The following SCGB2B2 variants were observed in gnomAD, a reference collection of about 807,000 sequenced individuals.
The protein encoded by SCGB2B2 is secretoglobin family 2B member 2.
SCGB2B2 carries 11 observed loss-of-function variants against 7.6 expected under a neutral mutation model. The ratio of observed to expected loss-of-function variants is 1.45; its 90% CI spans 0.91 to 2.40. The LOEUF is 2.40. SCGB2B2 is among the 30% of genes most tolerant of loss of function. SCGB2B2 has a pLI of 0.00. For missense variants in SCGB2B2, 104 were observed against 115.4 expected (o/e 0.90, Z 0.45); for synonymous variants, 50 against 48.6 (o/e 1.03, Z -0.12).
intron 1 of SCGB2B2, among the ~76,000 whole-genome samples, chr19:34,658,834 A>AAAAAAAAAAAAAAAAAG (rs1555749405): frequency 8.4e-6 from 1 of 118,756 alleles, no homozygotes; most frequent in Non-Finnish European, 1.9e-5. Context: ...AAAAAAAAAA[A>AAAAAAAAAAAAAAAAAG]AGAGAGAGAA....
intron 1 of SCGB2B2, among the ~76,000 whole-genome samples, chr19:34,669,654 T>A (rs180862454): frequency 1.4e-5 from 2 of 139,902 alleles, no homozygotes; most frequent in Admixed American, 1.4e-4. Flanking sequence ...TGATACACTG[T>A]CACCCCAAAG....
rs2065414114 is a variant in SCGB2B2 at position 34,595,129 on chromosome 19, G to A, written c.-566C>T. On this transcript the variant is annotated 5_prime_UTR_variant, in exon 2 of 4. Transcript: ENST00000601241. ...AAAGGACATGAGATGTAGCAAGTGT[G>A]TTAGGGACACATGTGACACAGTGAA... 1 of 155,722 alleles carries A rather than the reference G, an allele frequency of 6.4e-6. No individual in the cohort carries two copies. Among genetic ancestry groups the A allele is most frequent in the African/African-American group, 2.4e-5 (1 of 41,206 alleles). 9.6% of individuals were successfully genotyped at this position (155,722 alleles called of 1,614,324 possible). A position where few individuals can be genotyped will look rare whatever the true frequency, so the allele number is the denominator to read the frequency against.
At chr19:34,629,722 T>C (rs10221455) in intron 1 of SCGB2B2, among the ~76,000 whole-genome samples, 144,837 of 152,028 alleles carry the variant, frequency 0.95, 69,462 homozygotes, top group Middle Eastern at 0.99. Context: ...CAATGCCATC[T>C]CCATCAAGCT....
At chr19:34,607,191 G>C (rs994712011) in intron 1 of SCGB2B2, among the ~76,000 whole-genome samples, 7 of 152,162 alleles carry the variant, frequency 4.6e-5, no homozygotes, top group African/African-American at 1.7e-4. Flanking sequence ...TGTCCTACAG[G>C]TTCATCCGTA....
At chr19:34,638,042 G>C (rs1454720093) in intron 1 of SCGB2B2, 2 of 152,216 alleles carry the variant, frequency 1.3e-5, no homozygotes, top group Non-Finnish European at 2.9e-5. Flanking sequence ...CATTTTACTT[G>C]ACAAGTTATA....
intron 1 of SCGB2B2, among the ~76,000 whole-genome samples, chr19:34,659,028 A>G (rs1482378384): frequency 6.6e-6 from 1 of 152,222 alleles, no homozygotes; most frequent in Non-Finnish European, 1.5e-5. Context: ...AACAGAACCA[A>G]TGACAAAAAC....
intron 1 of SCGB2B2, among the ~76,000 whole-genome samples, chr19:34,638,724 A>T (rs1021517188): frequency 1.3e-5 from 2 of 152,304 alleles, no homozygotes; most frequent in Non-Finnish European, 2.9e-5. Context: ...CAAAGGTTTA[A>T]TGCCAAAATA....
At chr19:34,606,078 T>A (rs899829732) in intron 1 of SCGB2B2, among the ~76,000 whole-genome samples, 3 of 151,780 alleles carry the variant, frequency 2.0e-5, no homozygotes, top group Non-Finnish European at 2.9e-5. Flanking sequence ...GTTTTTAAAA[T>A]TTTTTAAAAA....
chr19:34,591,880 T>C lies in SCGB2B2; in HGVS notation c.*1675A>G, dbSNP rs1390248461. Among the ~76,000 whole-genome samples the C allele has an allele frequency of 2.0e-5, 3 of 152,192 alleles. No homozygotes were observed. The East Asian group carries it at 5.8e-4, about 29-fold the overall frequency. On this transcript the variant is annotated 3_prime_UTR_variant, in exon 4 of 4. Coordinates refer to ENST00000601241, the MANE Select transcript of SCGB2B2 (RefSeq NM_001025591.4). ...GGGTGGTCCTTGTGGTTCTCATCAC[T>C]ATTACAATTTTCTTGAGCTTTGCAA... is the stretch of plus-strand genomic sequence containing the variant.
intron 1 of SCGB2B2, among the ~76,000 whole-genome samples, chr19:34,675,100 A>T (rs2067890440): frequency 1.3e-5 from 2 of 152,254 alleles, no homozygotes; most frequent in African/African-American, 2.4e-5. Flanking sequence ...ACTTTAAGCC[A>T]CAGTGAGTTA....
intron 1 of SCGB2B2, among the ~76,000 whole-genome samples, chr19:34,609,147 G>T (rs2145829261): frequency 6.6e-6 from 1 of 152,026 alleles, no homozygotes; most frequent in Non-Finnish European, 1.5e-5. Context: ...CAGCTAATAT[G>T]CCCATTTATA....
chr19:34,617,992 C>T lies in SCGB2B2; in HGVS notation c.-2031-21398G>A, dbSNP rs550547120. ...GGCAATGCCTCGCCCTGCTTCGGCT[C>T]GTGCACGGTGCGTGCACCCACTGAC... On this transcript the variant is annotated intron_variant, in intron 1 of 3. Transcript: ENST00000601241. 2.1e-3 allele frequency among the ~76,000 whole-genome samples: 326 copies of T among 152,350 alleles called. 2 individuals are homozygous for T. The highest frequency in any genetic ancestry group is 7.5e-3 in the African/African-American group (311 of 41,582).
intron 1 of SCGB2B2, among the ~76,000 whole-genome samples, chr19:34,667,153 A>G (rs2067652261): frequency 6.6e-6 from 1 of 151,654 alleles, no homozygotes; most frequent in African/African-American, 2.4e-5. Flanking sequence ...TCTCCACCCA[A>G]ACACTTCCCC....
intron 1 of SCGB2B2, among the ~76,000 whole-genome samples, chr19:34,597,508 C>A (rs1337484066): frequency 6.6e-6 from 1 of 152,220 alleles, no homozygotes; most frequent in Non-Finnish European, 1.5e-5. Context: ...TCACCTGGGA[C>A]TCTGGCTGGC....
chr19:34,654,285 G>A (rs919453362), intron 1 of SCGB2B2, among the ~76,000 whole-genome samples: 5 of 151,046 alleles, frequency 3.3e-5, no homozygotes, highest in African/African-American at 1.2e-4. Flanking sequence ...GAAACATTTA[G>A]TTAATACTTT....
chr19:34,654,025 A>C (rs1282245076), intron 1 of SCGB2B2, among the ~76,000 whole-genome samples: 1 of 150,978 alleles, frequency 6.6e-6, no homozygotes, highest in Admixed American at 6.6e-5. Context: ...GTAAAACTTT[A>C]TCTCTTAGAA....
intron 1 of SCGB2B2, among the ~76,000 whole-genome samples, chr19:34,620,674 AG>A (rs1368366342): frequency 6.6e-6 from 1 of 152,242 alleles, no homozygotes; most frequent in African/African-American, 2.4e-5. Flanking sequence ...TATTTTAAAA[AG>A]TCAGATGAAT....
At chr19:34,619,907 G>T (rs531497230) in intron 1 of SCGB2B2, among the ~76,000 whole-genome samples, 1 of 152,218 alleles carries the variant, frequency 6.6e-6, no homozygotes, top group East Asian at 1.9e-4. Context: ...ACTGCACAGG[G>T]CTTTAAAGGC....
intron 1 of SCGB2B2, among the ~76,000 whole-genome samples, chr19:34,621,729 C>T (rs1251862909): frequency 3.9e-5 from 6 of 152,124 alleles, no homozygotes; most frequent in Admixed American, 2.0e-4. Context: ...CTTATCATTC[C>T]TTTCACTGGT....
Sources: allele counts gnomAD v4.1 joint callset (sites outside exome capture counted in the v4.1 genomes callset), GRCh38; gene constraint gnomAD v4.1.1; transcripts MANE v1.5; gene names NCBI Gene and HGNC (gene_info 2026-07-23, HGNC 2026-07-21).